The following MBTD1 variants were observed in gnomAD, a reference collection of about 807,000 sequenced individuals.
MBTD1 encodes mbt domain containing 1.
A neutral mutation model predicts 87.8 loss-of-function variants in MBTD1; 24 were observed. That is an observed-to-expected ratio of 0.27 (90% CI 0.20 to 0.38). The LOEUF is 0.38. Among genes scored for constraint, MBTD1 ranks in the 10% least tolerant of loss-of-function variants. The pLI, the probability that MBTD1 is intolerant of heterozygous loss-of-function variation, is 1.00. For synonymous variants in MBTD1, 237 were observed against 248.6 expected (o/e 0.95, Z 0.44); for missense variants, 436 against 760.2 (o/e 0.57, Z 5.02).
intron 6 of MBTD1, chr17:51,209,397 C>G: frequency 4.2e-6 from 2 of 471,198 alleles, no homozygotes; most frequent in Non-Finnish European, 8.8e-6. Flanking sequence ...TCCAGGGCCA[C>G]TCGTGAGGGC....
intron 5 of MBTD1, among the ~76,000 whole-genome samples, chr17:51,218,401 C>T (rs547877737): frequency 6.3e-4 from 95 of 151,718 alleles, no homozygotes; most frequent in African/African-American, 2.2e-3. Context: ...TGGTGGCGTG[C>T]GCCTGTAGTC....
intron 1 of MBTD1, among the ~76,000 whole-genome samples, chr17:51,259,532 C>G (rs563490592): frequency 6.6e-5 from 10 of 152,142 alleles, no homozygotes; most frequent in African/African-American, 9.7e-5. Flanking sequence ...GCCTTTCCCC[C>G]CTAGCCAGAG....
chr17:51,219,056 A>G lies in MBTD1; in HGVS notation c.289-12T>C, dbSNP rs763660212. ...GTTGGAGGCTTACCCTAAAACAAGA[A>G]AAGTTAAGTAAATAGGATTCTTTTT... On this transcript the variant is annotated splice_polypyrimidine_tract_variant and intron_variant, in intron 4 of 16. Coordinates refer to ENST00000586178, the MANE Select transcript of MBTD1 (RefSeq NM_017643.3). 5.5e-5 allele frequency: 75 copies of G among 1,372,770 alleles called. No individual in the cohort carries two copies. The highest frequency in any genetic ancestry group is 7.2e-5 in the Non-Finnish European group (71 of 983,766). The allele number at this position is 1,372,770 out of a possible 1,614,324, so 85.0% of individuals were successfully genotyped here.
rs1367311109 is a variant in MBTD1, at chr17:51,177,926, G to T, written c.*2650C>A. The T allele has an allele frequency of 3.3e-5, 5 of 151,922 alleles. No individual in the cohort carries two copies. Among genetic ancestry groups the T allele is most frequent in the Non-Finnish European group, 4.4e-5 (3 of 67,956 alleles). The allele number at this position is 151,922 out of a possible 1,614,324, so 9.4% of individuals were successfully genotyped here. Reference sequence around the variant, plus strand: ...ATAATACAAATATTGATGGGAGAGGGTATTCACATCACGCAAAATTAATAA... The same window carrying T: ...ATAATACAAATATTGATGGGAGAGGTTATTCACATCACGCAAAATTAATAA... On this transcript the variant is annotated 3_prime_UTR_variant, in exon 17 of 17. Coordinates refer to ENST00000586178, the MANE Select transcript of MBTD1 (RefSeq NM_017643.3).
At position 51,227,712 on chromosome 17, in the gene MBTD1, G is replaced by T. The variant is rs1370295662; in HGVS notation, c.-48-2503C>A. Among the ~76,000 whole-genome samples the T allele has an allele frequency of 3.3e-5, 5 of 152,204 alleles. 1 individual carries two copies. The East Asian group carries it at 9.6e-4, about 29-fold the overall frequency. On this transcript the variant is annotated intron_variant, in intron 2 of 16. Coordinates refer to ENST00000586178, the MANE Select transcript of MBTD1 (RefSeq NM_017643.3). ...CGCCTGTAATCCCAGTACTTTGGGAGGCTGAGGCGGGGAGATCACCTGAGG... is the reference window on the plus strand; with the variant it reads ...CGCCTGTAATCCCAGTACTTTGGGATGCTGAGGCGGGGAGATCACCTGAGG...
intron 3 of MBTD1, among the ~76,000 whole-genome samples, chr17:51,221,250 A>G (rs1411921966): frequency 1.3e-5 from 2 of 152,252 alleles, no homozygotes; most frequent in Admixed American, 6.5e-5. Flanking sequence ...GTGAGCTATG[A>G]TCGCACCACT....
chr17:51,203,692 C>T (rs953927944), intron 8 of MBTD1, 99 bp downstream of exon 8: 26 of 1,331,722 alleles, frequency 2.0e-5, no homozygotes, highest in East Asian at 9.4e-5. Flanking sequence ...CGGCCATGCC[C>T]GGCCTTTAAT....
intron 2 of MBTD1, among the ~76,000 whole-genome samples, chr17:51,249,048 T>C (rs1373992426): frequency 6.6e-6 from 1 of 151,084 alleles, no homozygotes; most frequent in African/African-American, 2.4e-5. Flanking sequence ...CCCAAGAGTT[T>C]GAGACTAGCC....
intron 4 of MBTD1, 138 bp from the exon 5 acceptor site, chr17:51,219,182 A>G: frequency 3.5e-6 from 2 of 570,086 alleles, no homozygotes; most frequent in Non-Finnish European, 3.2e-6. Flanking sequence ...GAAACATACA[A>G]GAATTTTAAC....
intron 5 of MBTD1, among the ~76,000 whole-genome samples, chr17:51,218,485 C>T (rs534479190): frequency 1.2e-3 from 184 of 147,454 alleles, no homozygotes; most frequent in Non-Finnish European, 2.0e-3. Flanking sequence ...GCCGAGATCA[C>T]GCCACTGAAC....
chr17:51,196,380 C>T (rs775741206), intron 12 of MBTD1, among the ~76,000 whole-genome samples: 1 of 151,832 alleles, frequency 6.6e-6, no homozygotes, highest in Non-Finnish European at 1.5e-5. Context: ...TGGGCCACCA[C>T]GCCCAGCTAA....
intron 13 of MBTD1, 83 bp from the exon 14 acceptor site, chr17:51,193,593 A>C: frequency 1.3e-6 from 1 of 773,396 alleles, no homozygotes; most frequent in South Asian, 1.5e-5. Context: ...ACAGTACAAA[A>C]AATCTTAAGA....
chr17:51,179,524 A>T lies in MBTD1; in HGVS notation c.*1052T>A, dbSNP rs12949263. 0.048 allele frequency: 5,206 copies of T among 107,698 alleles called. 741 individuals are homozygous for T. The highest frequency in any genetic ancestry group is 0.13 in the African/African-American group (4,048 of 31,216). The allele number at this position is 107,698 out of a possible 1,614,324, so 6.7% of individuals were successfully genotyped here. On this transcript the variant is annotated 3_prime_UTR_variant, in exon 17 of 17. Coordinates refer to ENST00000586178, the MANE Select transcript of MBTD1 (RefSeq NM_017643.3). The stretch of plus-strand genomic sequence containing the variant: ...TATATATATATATATATATATATAT[A>T]TATATATATATATGGAATTTTAAGA...
At chr17:51,232,289 C>T (rs959083602) in intron 2 of MBTD1, among the ~76,000 whole-genome samples, 2 of 152,066 alleles carry the variant, frequency 1.3e-5, no homozygotes, top group East Asian at 3.9e-4. Flanking sequence ...AAATAAGTCA[C>T]CTACCATTCA....
intron 6 of MBTD1, among the ~76,000 whole-genome samples, chr17:51,215,047 G>A (rs2052487246): frequency 6.6e-6 from 1 of 152,196 alleles, no homozygotes; most frequent in Non-Finnish European, 1.5e-5. Context: ...AAGAGAGCAA[G>A]CTCTTTGTAC....
At chr17:51,240,749 T>C (rs6504701) in intron 2 of MBTD1, among the ~76,000 whole-genome samples, 93,865 of 151,948 alleles carry the variant, frequency 0.62, 29,498 homozygotes, top group African/African-American at 0.73. Flanking sequence ...ATACCCCACA[T>C]TTAAGGAACA....
intron 6 of MBTD1, among the ~76,000 whole-genome samples, chr17:51,209,745 C>A (rs1188005581): frequency 6.6e-6 from 1 of 152,146 alleles, no homozygotes; most frequent in African/African-American, 2.4e-5. Context: ...GAGACAAGAC[C>A]TGAGGTTGCA....
At chr17:51,211,708 C>T (rs188276060) in intron 6 of MBTD1, among the ~76,000 whole-genome samples, 3 of 150,592 alleles carry the variant, frequency 2.0e-5, no homozygotes, top group East Asian at 2.0e-4. Context: ...TTTTAACTTT[C>T]GTTAAAATGG....
intron 13 of MBTD1, among the ~76,000 whole-genome samples, chr17:51,194,832 G>A (rs917891061): frequency 5.3e-5 from 8 of 151,144 alleles, no homozygotes; most frequent in Non-Finnish European, 7.4e-5. Context: ...TGAAGTTACC[G>A]TGAGCTATGA....
Sources: gnomAD v4.1 joint callset for allele counts (sites outside exome capture counted in the v4.1 genomes callset) on GRCh38, gnomAD v4.1.1 for gene constraint, MANE v1.5 for transcripts, NCBI Gene and HGNC (gene_info 2026-07-23, HGNC 2026-07-21) for gene names.